The following PDE4B variants were observed in gnomAD, a reference collection of about 807,000 sequenced individuals.
The protein encoded by PDE4B is phosphodiesterase 4B, also known as 3',5'-cyclic-AMP phosphodiesterase 4B.
A neutral mutation model predicts 82.2 loss-of-function variants in PDE4B; 20 were observed. That is an observed-to-expected ratio of 0.24 (90% CI 0.17 to 0.35). PDE4B has a LOEUF of 0.35. Ranked by LOEUF, PDE4B falls within the 10% of genes least tolerant of loss-of-function variation. The probability of loss-of-function intolerance (pLI) is 1.00; values close to 1 mark genes in which losing one functional copy is unlikely to be tolerated. For missense variants in PDE4B, 655 were observed against 907.2 expected (o/e 0.72, Z 3.57); for synonymous variants, 320 against 318.9 (o/e 1.00, Z -0.04).
intron 3 of PDE4B, among the ~76,000 whole-genome samples, chr1:66,032,195 A>C (rs1653815032): frequency 6.6e-6 from 1 of 152,254 alleles, no homozygotes. Flanking sequence ...GAAATAATGC[A>C]TAAGAAGTAT....
intron 3 of PDE4B, among the ~76,000 whole-genome samples, chr1:65,938,440 A>C (rs1361464555): frequency 6.6e-6 from 1 of 152,170 alleles, no homozygotes; most frequent in Non-Finnish European, 1.5e-5. Flanking sequence ...TGTTCATATA[A>C]ATAGGTTTAT....
chr1:66,342,664 G>A (rs1467132950), intron 8 of PDE4B, among the ~76,000 whole-genome samples: 11 of 151,444 alleles, frequency 7.3e-5, no homozygotes, highest in African/African-American at 2.7e-4. Flanking sequence ...CCAGGAGGTA[G>A]AGGGCAGTGA....
At chr1:66,020,422 G>A (rs138207919) in intron 3 of PDE4B, among the ~76,000 whole-genome samples, 3 of 151,998 alleles carry the variant, frequency 2.0e-5, no homozygotes, top group African/African-American at 7.2e-5. Flanking sequence ...CCGATAACTC[G>A]TCATTTATAT....
rs1204499976 is a variant in PDE4B at position 66,211,608 on chromosome 1, C to T, written c.282-35852C>T. Reference sequence around the variant, plus strand: ...GCTAAGTTCTATGCATGCATCATCTCATTTAATCCTCTCAGCATTTTCACG... The same window carrying T: ...GCTAAGTTCTATGCATGCATCATCTTATTTAATCCTCTCAGCATTTTCACG... On this transcript the variant is annotated intron_variant, in intron 3 of 16. Transcript: ENST00000341517. Among the ~76,000 whole-genome samples the T allele has an allele frequency of 2.0e-5, 3 of 152,178 alleles. No individual in the cohort carries two copies. The East Asian group carries it at 5.8e-4, about 29-fold the overall frequency.
At chr1:66,072,919 A>G (rs1320019227) in intron 3 of PDE4B, among the ~76,000 whole-genome samples, 2 of 152,098 alleles carry the variant, frequency 1.3e-5, no homozygotes, top group Non-Finnish European at 2.9e-5. Context: ...AAACTGTAGG[A>G]TTGATGAAGG....
At chr1:65,887,242 CTTTCTTTTCTTTCTTTCT>C (rs1646793901) in intron 1 of PDE4B, among the ~76,000 whole-genome samples, 9 of 20,730 alleles carry the variant, frequency 4.3e-4, no homozygotes, top group Admixed American at 6.7e-4. Flanking sequence ...TTCTTTCTTT[CTTTCTTTTCTTTCTTTCT>C]TTCCTTCCTT....
At chr1:66,134,300 T>C (rs1477080230) in intron 3 of PDE4B, among the ~76,000 whole-genome samples, 1 of 152,368 alleles carries the variant, frequency 6.6e-6, no homozygotes, top group East Asian at 1.9e-4. Flanking sequence ...TAAAAACTTC[T>C]CTATTTTATA....
intron 3 of PDE4B, among the ~76,000 whole-genome samples, chr1:66,041,038 C>T (rs545022381): frequency 4.6e-5 from 7 of 151,962 alleles, no homozygotes; most frequent in East Asian, 1.9e-4. Context: ...AGCAGCTGGG[C>T]GTGTCTTCAA....
At chr1:65,806,416 C>T (rs1464148073) in intron 1 of PDE4B, among the ~76,000 whole-genome samples, 2 of 152,258 alleles carry the variant, frequency 1.3e-5, no homozygotes, top group East Asian at 1.9e-4. Flanking sequence ...ATTGAAAGAA[C>T]ATGCTTACAC....
chr1:66,197,864 C>T (rs1450457299), intron 3 of PDE4B, among the ~76,000 whole-genome samples: 1 of 152,100 alleles, frequency 6.6e-6, no homozygotes, highest in African/African-American at 2.4e-5. Flanking sequence ...GACCCTACTG[C>T]TGTATATTTC....
At chr1:65,888,088 T>C (rs555272207) in intron 1 of PDE4B, among the ~76,000 whole-genome samples, 2 of 152,262 alleles carry the variant, frequency 1.3e-5, no homozygotes, top group East Asian at 1.9e-4. Flanking sequence ...TCAGGTCTTA[T>C]GTATAAGTCT....
At chr1:66,257,959 T>C in intron 6 of PDE4B, 96 bp downstream of exon 6, 1 of 820,360 alleles carries the variant, frequency 1.2e-6, no homozygotes, top group Non-Finnish European at 2.0e-6. Context: ...CATGGAAAAT[T>C]GTCCTCTAAG....
At chr1:66,064,254 G>T (rs1009711562) in intron 3 of PDE4B, among the ~76,000 whole-genome samples, 1 of 152,024 alleles carries the variant, frequency 6.6e-6, no homozygotes, top group East Asian at 1.9e-4. Context: ...AAGGGACAAA[G>T]CCAGGGTTGA....
rs1373525076 is a variant in PDE4B, at chr1:66,147,404, C to T, written c.282-100056C>T. Among the ~76,000 whole-genome samples, 3 of 152,138 alleles carry T rather than the reference C, an allele frequency of 2.0e-5. No homozygotes were observed. In the East Asian group the frequency reaches 5.8e-4, roughly 29 times the overall value. On this transcript the variant is annotated intron_variant, in intron 3 of 16. Coordinates refer to ENST00000341517, the MANE Select transcript of PDE4B (RefSeq NM_002600.4). ...CCAAGATAACACTGTTAGCTGATGG[C>T]AGGATTGGGAAAGGGAACCTGAACC...
intron 6 of PDE4B, among the ~76,000 whole-genome samples, chr1:66,262,600 C>T (rs2101720030): frequency 6.6e-6 from 1 of 152,332 alleles, no homozygotes; most frequent in South Asian, 2.1e-4. Context: ...AACTGAGCAA[C>T]CAATACCACT....
At chr1:66,128,303 C>G (rs1423685151) in intron 3 of PDE4B, among the ~76,000 whole-genome samples, 1 of 152,172 alleles carries the variant, frequency 6.6e-6, no homozygotes, top group Non-Finnish European at 1.5e-5. Context: ...TCCAAAGGAA[C>G]ACTTTATTTT....
At chr1:65,894,433 G>A (rs1179526076) in intron 1 of PDE4B, among the ~76,000 whole-genome samples, 2 of 151,940 alleles carry the variant, frequency 1.3e-5, no homozygotes, top group African/African-American at 4.8e-5. Context: ...ACTTCTAGAA[G>A]GAAATATAGG....
chr1:65,992,263 C>A (rs1372247946), intron 3 of PDE4B, among the ~76,000 whole-genome samples: 5 of 152,238 alleles, frequency 3.3e-5, no homozygotes, highest in African/African-American at 1.2e-4. Flanking sequence ...CAGTTAGCCT[C>A]ACAAATTTTG....
intron 1 of PDE4B, among the ~76,000 whole-genome samples, chr1:65,887,247 T>TTCTTTCTTTTCTTTC: frequency 2.7e-5 from 1 of 37,728 alleles, no homozygotes; most frequent in South Asian, 1.4e-3. Flanking sequence ...TCTTTCTTTC[T>TTCTTTCTTTTCTTTC]TTTCTTTCTT....
Sources: allele counts gnomAD v4.1 joint callset (sites outside exome capture counted in the v4.1 genomes callset), GRCh38; gene constraint gnomAD v4.1.1; transcripts MANE v1.5; gene names NCBI Gene and HGNC (gene_info 2026-07-23, HGNC 2026-07-21).